HIVEP3: variants seen among roughly 807,000 people sequenced by gnomAD.
HIVEP3 encodes transcription factor HIVEP3.
Under a neutral mutation model 152.8 loss-of-function variants are expected in HIVEP3, and 49 were observed. That is an observed-to-expected ratio of 0.32 (90% CI 0.26 to 0.41). The LOEUF (loss-of-function observed/expected upper bound fraction) is 0.41, where lower values mean the gene tolerates loss of function less well. Ranked by LOEUF, HIVEP3 falls within the 10% of genes least tolerant of loss-of-function variation. The pLI is 1.00. For missense variants in HIVEP3, 2,790 were observed against 3,103.3 expected (o/e 0.90, Z 2.40); for synonymous variants, 1,269 against 1,289.0 (o/e 0.98, Z 0.33).
At chr1:41,866,936 C>T (rs925495825) in intron 1 of HIVEP3, among the ~76,000 whole-genome samples, 8 of 152,186 alleles carry the variant, frequency 5.3e-5, no homozygotes, top group Non-Finnish European at 8.8e-5. Context: ...CGTCAGGATA[C>T]CTATGACAGA....
intron 1 of HIVEP3, among the ~76,000 whole-genome samples, chr1:41,790,660 G>A (rs1649637325): frequency 6.6e-6 from 1 of 152,106 alleles, no homozygotes; most frequent in African/African-American, 2.4e-5. Context: ...AAAGATATGG[G>A]AGAATCCTTA....
upstream of HIVEP3, among the ~76,000 whole-genome samples, chr1:41,920,627 T>C (rs531179025): frequency 1.1e-4 from 16 of 151,814 alleles, no homozygotes; most frequent in African/African-American, 3.4e-4. Flanking sequence ...TACTAGATGC[T>C]GCTGTTTATT....
chr1:41,957,835 T>C (rs911188846), intron 1 of HIVEP3, among the ~76,000 whole-genome samples: 2 of 152,234 alleles, frequency 1.3e-5, no homozygotes, highest in African/African-American at 2.4e-5. Flanking sequence ...CCTTGAACAA[T>C]GCAGTTACCT....
chr1:41,761,200 G>C (rs118165783), intron 1 of HIVEP3, among the ~76,000 whole-genome samples: 67 of 152,352 alleles, frequency 4.4e-4, no homozygotes, highest in East Asian at 2.3e-3. Context: ...ACCTATGTGA[G>C]TGCCCAGGTG....
intron 1 of HIVEP3, among the ~76,000 whole-genome samples, chr1:41,941,230 A>G (rs1018477814): frequency 1.2e-4 from 18 of 152,324 alleles, no homozygotes; most frequent in African/African-American, 4.3e-4. Flanking sequence ...GAGTAGGGCA[A>G]GCAGTCAAGG....
intron 2 of HIVEP3, among the ~76,000 whole-genome samples, chr1:41,659,543 G>A (rs941573036): frequency 5.9e-5 from 9 of 152,160 alleles, no homozygotes; most frequent in Non-Finnish European, 2.9e-5. Flanking sequence ...ATGTTGGCCT[G>A]GGTCATGGCC....
intron 1 of HIVEP3, among the ~76,000 whole-genome samples, chr1:41,909,231 A>G (rs1466401050): frequency 6.6e-6 from 1 of 152,156 alleles, no homozygotes; most frequent in Middle Eastern, 3.2e-3. Context: ...TTTGCAAGCA[A>G]ACAAAATCAA....
intron 1 of HIVEP3, among the ~76,000 whole-genome samples, chr1:41,886,086 T>G (rs1484918401): frequency 6.6e-6 from 1 of 152,140 alleles, no homozygotes; most frequent in South Asian, 2.1e-4. Flanking sequence ...TAGTAAGATA[T>G]TTTAACTGCA....
At chr1:42,006,268 A>G (rs1645458863) in intron 1 of HIVEP3, among the ~76,000 whole-genome samples, 1 of 152,042 alleles carries the variant, frequency 6.6e-6, no homozygotes, top group African/African-American at 2.4e-5. Flanking sequence ...GCTGAAAGAG[A>G]CAAGGAAAGA....
At chr1:41,743,585 G>A (rs1386715700) in intron 1 of HIVEP3, among the ~76,000 whole-genome samples, 1 of 152,160 alleles carries the variant, frequency 6.6e-6, no homozygotes, top group Non-Finnish European at 1.5e-5. Flanking sequence ...CTTTCTGAAT[G>A]TCCCGTCCTA....
intron 5 of HIVEP3, among the ~76,000 whole-genome samples, chr1:41,546,689 G>A (rs944518691): frequency 5.9e-5 from 9 of 152,180 alleles, no homozygotes; most frequent in Admixed American, 5.2e-4. Context: ...ATGTAACTGG[G>A]TGTGGCCTTG....
chr1:41,935,946 A>T (rs1645018161), intron 1 of HIVEP3, among the ~76,000 whole-genome samples: 1 of 151,984 alleles, frequency 6.6e-6, no homozygotes, highest in African/African-American at 2.4e-5. Flanking sequence ...CTAAATCTTC[A>T]GTTAGGGGAG....
chr1:41,529,895 ACAAT>A (rs894687381), intron 5 of HIVEP3, among the ~76,000 whole-genome samples: 10 of 118,494 alleles, frequency 8.4e-5, no homozygotes, highest in Non-Finnish European at 1.7e-4. Context: ...GCATACTCCC[ACAAT>A]CAAACCCACA....
At chr1:41,834,764 T>G (rs1334501167) in intron 1 of HIVEP3, among the ~76,000 whole-genome samples, 3 of 152,108 alleles carry the variant, frequency 2.0e-5, no homozygotes, top group Non-Finnish European at 4.4e-5. Flanking sequence ...CAATACAGTA[T>G]CAGTTAGTAA....
At chr1:41,708,439 CA>C (rs1646466197) in intron 1 of HIVEP3, among the ~76,000 whole-genome samples, 1 of 152,176 alleles carries the variant, frequency 6.6e-6, no homozygotes, top group South Asian at 2.1e-4. Flanking sequence ...TGCTTTCTCA[CA>C]ACCAAGGGGA....
intron 2 of HIVEP3, among the ~76,000 whole-genome samples, chr1:41,661,160 C>G (rs1013855425): frequency 4.6e-5 from 7 of 152,176 alleles, no homozygotes; most frequent in Non-Finnish European, 7.3e-5. Context: ...AAAACATAGC[C>G]TGAAAGAGAC....
chr1:41,516,366 A>G (rs1464986568), intron 7 of HIVEP3, among the ~76,000 whole-genome samples: 1 of 152,196 alleles, frequency 6.6e-6, no homozygotes, highest in Admixed American at 6.5e-5. Context: ...CGCGTCCCAC[A>G]GACACGAACT....
At chr1:41,564,556 CA>C (rs1644132464) in intron 5 of HIVEP3, among the ~76,000 whole-genome samples, 1 of 152,078 alleles carries the variant, frequency 6.6e-6, no homozygotes, top group Non-Finnish European at 1.5e-5. Context: ...CTAAAGAAGG[CA>C]ACAGGACTGA....
intron 1 of HIVEP3, among the ~76,000 whole-genome samples, chr1:41,775,497 T>G (rs541330585): frequency 2.0e-5 from 3 of 152,170 alleles, no homozygotes; most frequent in African/African-American, 7.2e-5. Context: ...GTTTTTGTTT[T>G]TTTGTTTTTT....
Sources: gnomAD v4.1 joint callset for allele counts (sites outside exome capture counted in the v4.1 genomes callset) on GRCh38, gnomAD v4.1.1 for gene constraint, MANE v1.5 for transcripts, NCBI Gene and HGNC (gene_info 2026-07-23, HGNC 2026-07-21) for gene names.